Variants in COBLL1 observed in about 807,000 individuals in gnomAD.
COBLL1 encodes cordon-bleu WH2 repeat protein like 1.
A neutral mutation model predicts 94.8 loss-of-function variants in COBLL1; 50 were observed. The observed-to-expected ratio is 0.53, with a 90% CI of 0.42 to 0.67. The LOEUF is 0.67. Ranked by LOEUF, COBLL1 falls within the 30% of genes least tolerant of loss-of-function variation. The pLI, the probability that COBLL1 is intolerant of heterozygous loss-of-function variation, is 0.00. For synonymous variants in COBLL1, 448 were observed against 473.8 expected (o/e 0.95, Z 0.71); for missense variants, 1,362 against 1,348.7 (o/e 1.01, Z -0.15).
In COBLL1 at chr2:164,695,505, T is replaced by C; in HGVS notation, c.1887A>G (p.Glu629=). 6.2e-7 allele frequency: 1 copy of C among 1,613,946 alleles called. No homozygotes were observed. The highest frequency in any genetic ancestry group is 1.1e-5 in the South Asian group (1 of 91,070). The stretch of plus-strand genomic sequence containing the variant: ...TGTTGTTATTTGAAGTTTGCACACA[T>C]TCTTCAACTTTGGAGTCAGATAAAT... ...DHNLSDSKVE[E]CVQTSNNNIS... Residue 629 remains glutamate (E), a synonymous_variant, in exon 12 of 14, where the codon GAA becomes GAG. Coordinates refer to ENST00000652658, the MANE Select transcript of COBLL1 (RefSeq NM_001365672.2).
At position 164,700,526 on chromosome 2, in the gene COBLL1, C is replaced by T; in HGVS notation, c.1456G>A (p.Gly486Arg). 1 of 1,600,136 alleles carries T rather than the reference C, an allele frequency of 6.2e-7. No individual in the cohort carries two copies. Among genetic ancestry groups the T allele is most frequent in the African/African-American group, 1.3e-5 (1 of 74,716 alleles). ...EEKQETKSTD[G>R]QEPHSVVYDT... ...TCCAGCACAGAGACTACTTACTGTCCATCTGTGCTTTTAGTTTCTTGTTTT... is the reference window on the plus strand; with the variant it reads ...TCCAGCACAGAGACTACTTACTGTCTATCTGTGCTTTTAGTTTCTTGTTTT... The change falls in exon 10 of 14, where the codon GGA (glycine) becomes AGA (arginine). Residue 486 changes from glycine (G) to arginine (R), a missense_variant. Gly to Arg is a moderately radical substitution (Grantham distance 125). Transcript: ENST00000652658.
intron 2 of COBLL1, among the ~76,000 whole-genome samples, chr2:164,804,678 G>A (rs1683997640): frequency 1.3e-5 from 2 of 152,094 alleles, no homozygotes; most frequent in South Asian, 4.1e-4. Flanking sequence ...TCAATGTACA[G>A]CTTCTTTGCA....
intron 1 of COBLL1, among the ~76,000 whole-genome samples, chr2:164,666,841 A>G (rs867349021): frequency 1.3e-5 from 2 of 152,126 alleles, no homozygotes; most frequent in South Asian, 4.1e-4. Flanking sequence ...TTTCTACCAC[A>G]TCTGCTGTGA....
chr2:164,732,926 G>T (rs1686094645), intron 3 of COBLL1, among the ~76,000 whole-genome samples: 2 of 152,096 alleles, frequency 1.3e-5, no homozygotes, highest in African/African-American at 2.4e-5. Flanking sequence ...ATGGTGGCAG[G>T]TGTCTGTAGT....
At chr2:164,827,919 T>C (rs1685510503) in intron 2 of COBLL1, among the ~76,000 whole-genome samples, 1 of 152,208 alleles carries the variant, frequency 6.6e-6, no homozygotes, top group African/African-American at 2.4e-5. Flanking sequence ...TTTTCACTTA[T>C]ATAGTACTCT....
chr2:164,696,001 C>A, intron 11 of COBLL1, 165 bp from the exon 12 acceptor site: 1 of 590,004 alleles, frequency 1.7e-6, no homozygotes, highest in Non-Finnish European at 2.9e-6. Context: ...GAAAACAGTA[C>A]GTGCTTTGGA....
At chr2:164,833,473 C>T (rs1171603180) in intron 2 of COBLL1, among the ~76,000 whole-genome samples, 12 of 140,634 alleles carry the variant, frequency 8.5e-5, no homozygotes, top group Admixed American at 7.2e-4. Context: ...TTTCCTGAGA[C>T]GGAGTCTCAC....
chr2:164,795,223 T>C (rs1399814296), intron 2 of COBLL1, among the ~76,000 whole-genome samples: 1 of 152,148 alleles, frequency 6.6e-6, no homozygotes, highest in African/African-American at 2.4e-5. Flanking sequence ...AATACAGTAT[T>C]TTGAAGCACT....
chr2:164,789,113 T>C (rs1683041479), intron 2 of COBLL1, among the ~76,000 whole-genome samples: 1 of 149,902 alleles, frequency 6.7e-6, no homozygotes, highest in Non-Finnish European at 1.5e-5. Context: ...GAGGCTGAAG[T>C]GAGAGGATCA....
At chr2:164,788,318 T>C (rs1175926009) in intron 2 of COBLL1, among the ~76,000 whole-genome samples, 2 of 152,120 alleles carry the variant, frequency 1.3e-5, no homozygotes, top group East Asian at 3.9e-4. Flanking sequence ...AGATGTGACA[T>C]TTGGAGCTGC....
chr2:164,679,565 T>G (rs1682950357), downstream of COBLL1, among the ~76,000 whole-genome samples: 1 of 152,176 alleles, frequency 6.6e-6, no homozygotes, highest in Non-Finnish European at 1.5e-5. Context: ...GCTCTGAACT[T>G]CATGAGTAAA....
chr2:164,741,703 A>G (rs1686606348), intron 3 of COBLL1, among the ~76,000 whole-genome samples: 1 of 152,162 alleles, frequency 6.6e-6, no homozygotes, highest in Non-Finnish European at 1.5e-5. Flanking sequence ...AAAGTTACTC[A>G]GATTTAGGGA....
rs1683615257 is a variant in COBLL1, at chr2:164,841,466, G to T, written c.-50-220C>A. 2 of 1,142,348 alleles carry T rather than the reference G, an allele frequency of 1.8e-6. No homozygotes were observed. The highest frequency in any genetic ancestry group is 3.3e-5 in the African/African-American group (2 of 61,378). The allele number at this position is 1,142,348 out of a possible 1,614,324, so 70.8% of individuals were successfully genotyped here. On this transcript the variant is annotated intron_variant, in intron 1 of 13. Coordinates refer to ENST00000652658, the MANE Select transcript of COBLL1 (RefSeq NM_001365672.2). This position sits in a 1 kb window ranked among gnomAD's most constrained non-coding sequence, Gnocchi z 5.5. ...CCCAGAGCACGGCGGAGGAGGCGGT[G>T]GCGCTGCAGCCCCCGCCCCGTGGGG...
Position 164,699,467 on chromosome 2 carries a change from T to C in COBLL1, c.1493A>G (p.Asn498Ser). The change falls in exon 11 of 14, where the codon AAT becomes AGT. Residue 498 changes from asparagine (N) to serine (S), a missense_variant. Transcript: ENST00000652658. ...EPHSVVYDTS[N>S]GKKVVDSIRN... Reference sequence around the variant, plus strand: ...TATACTGTCAACTACCTTCTTTCCATTGCTTGTATCATATACTACACTGTG... The same window carrying C: ...TATACTGTCAACTACCTTCTTTCCACTGCTTGTATCATATACTACACTGTG... 1 of 1,612,268 alleles carries C rather than the reference T, an allele frequency of 6.2e-7. No homozygotes were observed. The highest frequency in any genetic ancestry group is 8.5e-7 in the Non-Finnish European group (1 of 1,178,466).
chr2:164,659,222 G>A (rs1691031432), intron 2 of COBLL1, among the ~76,000 whole-genome samples: 1 of 152,166 alleles, frequency 6.6e-6, no homozygotes, highest in Non-Finnish European at 1.5e-5. Context: ...AGTTCCTGGA[G>A]TGAGGGGATT....
chr2:164,718,765 A>T (rs1254472571), intron 7 of COBLL1, among the ~76,000 whole-genome samples: 1 of 152,198 alleles, frequency 6.6e-6, no homozygotes, highest in Non-Finnish European at 1.5e-5. Context: ...TGAATCTGAT[A>T]AAAGAATGGA....
chr2:164,727,292 T>C (rs957929268), intron 5 of COBLL1: 5 of 433,852 alleles, frequency 1.2e-5, no homozygotes, highest in Non-Finnish European at 1.7e-5. Flanking sequence ...ATGCAAAGAG[T>C]ATGTAAATAA....
At chr2:164,689,544 T>C (rs1243526741) in intron 13 of COBLL1, among the ~76,000 whole-genome samples, 1 of 152,160 alleles carries the variant, frequency 6.6e-6, no homozygotes, top group East Asian at 1.9e-4. Context: ...TTTTACTTCC[T>C]TTTGCAATTT....
chr2:164,774,850 C>T (rs914072672), intron 2 of COBLL1, among the ~76,000 whole-genome samples: 2 of 141,498 alleles, frequency 1.4e-5, no homozygotes, highest in Non-Finnish European at 3.0e-5. Flanking sequence ...TTTCAGGTGC[C>T]TGTATCACTT....
Sources: gnomAD v4.1 joint callset for allele counts (sites outside exome capture counted in the v4.1 genomes callset) on GRCh38, gnomAD v4.1.1 for gene constraint, Gnocchi (gnomAD v3.1) non-coding constraint, MANE v1.5 for transcripts, NCBI Gene and HGNC (gene_info 2026-07-23, HGNC 2026-07-21) for gene names.